ITGA11: variants seen among roughly 807,000 people sequenced by gnomAD.
ITGA11 encodes integrin alpha-11.
Under a neutral mutation model 141.9 loss-of-function variants are expected in ITGA11, and 97 were observed. That is an observed-to-expected ratio of 0.68 (90% CI 0.58 to 0.81). The LOEUF is 0.81. Ranked by LOEUF, ITGA11 falls within the 30% of genes least tolerant of loss-of-function variation. The pLI is 0.00. For synonymous variants in ITGA11, 658 were observed against 624.6 expected (o/e 1.05, Z -0.80); for missense variants, 1,387 against 1,559.2 (o/e 0.89, Z 1.86).
At chr15:68,393,335 A>T (rs1004298043) in intron 2 of ITGA11, among the ~76,000 whole-genome samples, 1 of 152,190 alleles carries the variant, frequency 6.6e-6, no homozygotes, top group Non-Finnish European at 1.5e-5. Context: ...AAGGTAGAGA[A>T]TTTTCCAAAT....
rs77167456 is a variant in ITGA11 at position 68,375,479 on chromosome 15, A to T, written c.165-6195T>A. Among the ~76,000 whole-genome samples the T allele has an allele frequency of 3.9e-5, 6 of 152,318 alleles. No individual in the cohort carries two copies. In the East Asian group the frequency reaches 1.2e-3, roughly 29 times the overall value. Reference sequence around the variant, plus strand: ...GAGCAGCAAGTCCAAATGCCTGCCCAGTGGGGACCCCGGGGCTGCCCTGGC... The same window carrying T: ...GAGCAGCAAGTCCAAATGCCTGCCCTGTGGGGACCCCGGGGCTGCCCTGGC... On this transcript the variant is annotated intron_variant, in intron 2 of 29. Transcript: ENST00000315757.
At chr15:68,349,186 G>A (rs906823740) in intron 9 of ITGA11, among the ~76,000 whole-genome samples, 2 of 152,228 alleles carry the variant, frequency 1.3e-5, no homozygotes, top group Non-Finnish European at 2.9e-5. Flanking sequence ...ATATTACAGG[G>A]CATGTATACT....
At chr15:68,314,755 T>C (rs1037019893) in intron 22 of ITGA11, among the ~76,000 whole-genome samples, 7 of 152,186 alleles carry the variant, frequency 4.6e-5, no homozygotes, top group African/African-American at 1.4e-4. Flanking sequence ...GTGTGAGAAT[T>C]CTACCAGGAT....
In ITGA11 at chr15:68,298,008, C is replaced by T. The variant is rs1323097477; in HGVS notation, c.*5051G>A. The T allele has an allele frequency of 2.0e-5, 3 of 152,210 alleles. No homozygotes were observed. The highest frequency in any genetic ancestry group is 4.4e-5 in the Non-Finnish European group (3 of 68,044). 9.4% of individuals were successfully genotyped at this position (152,210 alleles called of 1,614,324 possible). On this transcript the variant is annotated 3_prime_UTR_variant, in exon 30 of 30. Transcript: ENST00000315757. ...ACTAGGGAAGCTCACCTTCAGATCT[C>T]TGCTAGGTCACTCCCTGGCTGCAAT...
rs1226350051 is a variant in ITGA11, at chr15:68,328,523, G to A, written c.1902-261C>T. On this transcript the variant is annotated intron_variant, in intron 15 of 29. Coordinates refer to ENST00000315757, the MANE Select transcript of ITGA11 (RefSeq NM_001004439.2). This position sits in a 1 kb window ranked among gnomAD's most constrained non-coding sequence, Gnocchi z 4.8. ...CCCTCAGCACTTTCCCCGAGGGGCT[G>A]TGCTCGCTGTGGATCATGCTGACTT... Among the ~76,000 whole-genome samples, 5 of 152,176 alleles carry A rather than the reference G, an allele frequency of 3.3e-5. No homozygotes were observed. Among genetic ancestry groups the A allele is most frequent in the Non-Finnish European group, 7.3e-5 (5 of 68,038 alleles).
intron 1 of ITGA11, among the ~76,000 whole-genome samples, chr15:68,405,211 T>C (rs796452710): frequency 1.4e-5 from 2 of 145,064 alleles, no homozygotes; most frequent in South Asian, 4.6e-4. Flanking sequence ...AAAATTTCCA[T>C]CATTAGAGTC....
rs1894044714 is a variant in ITGA11 at position 68,328,247 on chromosome 15, A to C, written c.1917T>G (p.Val639=). Residue 639 remains valine, a synonymous_variant, in exon 16 of 30, where the codon GTT becomes GTG. Transcript: ENST00000315757. This position sits in a 1 kb window ranked among gnomAD's most constrained non-coding sequence, Gnocchi z 4.8. ...CAAAGTGGAGGCTGGCATTGATCTGAACCACTGGGCGGGACCTGGAGGAGA... is the reference window on the plus strand; with the variant it reads ...CAAAGTGGAGGCTGGCATTGATCTGCACCACTGGGCGGGACCTGGAGGAGA... The part of the protein sequence containing the change: ...NAVILWSRPV[V]QINASLHFEP... The C allele has an allele frequency of 1.2e-6, 2 of 1,613,578 alleles. No homozygotes were observed. The highest frequency in any genetic ancestry group is 1.7e-5 in the Admixed American group (1 of 59,988).
chr15:68,366,832 C>T (rs937311007), intron 3 of ITGA11, among the ~76,000 whole-genome samples: 1 of 152,178 alleles, frequency 6.6e-6, no homozygotes, highest in Non-Finnish European at 1.5e-5. Flanking sequence ...AAAACCCTGA[C>T]TTTATCCAGG....
chr15:68,415,279 C>T (rs183795455), intron 1 of ITGA11, among the ~76,000 whole-genome samples: 107 of 152,242 alleles, frequency 7.0e-4, no homozygotes, highest in Admixed American at 1.4e-3. Flanking sequence ...CAGGTCAGAA[C>T]GCAGCTCACT....
At chr15:68,334,655 C>A (rs753224973) in intron 12 of ITGA11, among the ~76,000 whole-genome samples, 18 of 143,552 alleles carry the variant, frequency 1.3e-4, no homozygotes, top group Non-Finnish European at 2.6e-4. Flanking sequence ...AGGGAGGGGG[C>A]GGGAGAAATT....
chr15:68,345,016 C>T (rs1182775414), intron 10 of ITGA11, among the ~76,000 whole-genome samples: 2 of 151,980 alleles, frequency 1.3e-5, no homozygotes, highest in East Asian at 2.0e-4. Context: ...GCATCTTCCC[C>T]TCAAGGCCCA....
rs1595852290 is a variant in ITGA11 at position 68,312,781 on chromosome 15, T to C, written c.2965A>G (p.Ile989Val). The C allele has an allele frequency of 1.9e-6, 3 of 1,612,802 alleles. No homozygotes were observed. Among genetic ancestry groups the C allele is most frequent in the Non-Finnish European group, 2.5e-6 (3 of 1,179,070 alleles). ...YDGIGPPFSC[I>V]FRIQNLGLFP... ...CTCCCCTCCAGCCTCACCCTGAAGA[T>C]GCAGCTGAAGGGAGGCCCGATACCA... Residue 989 changes from isoleucine to valine, a missense_variant, in exon 24 of 30, where the codon ATC becomes GTC. By Grantham distance (29) the Ile-to-Val change is conservative. Transcript: ENST00000315757.
At position 68,332,468 on chromosome 15, in the gene ITGA11, T is replaced by A. The variant is rs1894207396; in HGVS notation, c.1436A>T (p.Tyr479Phe). Reference protein sequence around the residue: ...QAMRGQQIGSYFGSEITSVDI... With the variant: ...QAMRGQQIGSFFGSEITSVDI... The stretch of plus-strand genomic sequence containing the variant: ...CACCGAGGTGATTTCACTCCCAAAG[T>A]AAGAGCCTATCTGCGGCACGTGATG... Residue 479 changes from tyrosine (Y) to phenylalanine (F), a missense_variant, in exon 13 of 30, where the codon TAC becomes TTC. By Grantham distance (22) the Tyr-to-Phe change is conservative. Coordinates refer to ENST00000315757, the MANE Select transcript of ITGA11 (RefSeq NM_001004439.2). 1.2e-6 allele frequency: 2 copies of A among 1,612,316 alleles called. No homozygotes were observed. Among genetic ancestry groups the A allele is most frequent in the African/African-American group, 1.3e-5 (1 of 75,032 alleles).
chr15:68,427,959 G>A (rs192768653), intron 1 of ITGA11, among the ~76,000 whole-genome samples: 78 of 152,278 alleles, frequency 5.1e-4, no homozygotes, highest in African/African-American at 1.8e-3. Context: ...GATCAGCAGA[G>A]ATACCATTTT....
chr15:68,405,641 C>T (rs537525939), intron 1 of ITGA11, among the ~76,000 whole-genome samples: 1 of 152,224 alleles, frequency 6.6e-6, no homozygotes, highest in African/African-American at 2.4e-5. Context: ...GCACAGGGTC[C>T]TGAAGAACAC....
At position 68,339,647 on chromosome 15, in the gene ITGA11, G is replaced by A. The variant is rs772302534; in HGVS notation, c.1132-3C>T. The stretch of plus-strand genomic sequence containing the variant: ...ACGGCTCCCAGCAGAACCCCATCCT[G>A]GCATTGGGGAGGGGACACACATCAG... On this transcript the variant is annotated splice_polypyrimidine_tract_variant and splice_region_variant and intron_variant, in intron 10 of 29. Coordinates refer to ENST00000315757, the MANE Select transcript of ITGA11 (RefSeq NM_001004439.2). 6.2e-6 allele frequency: 10 copies of A among 1,613,840 alleles called. No individual in the cohort carries two copies. In the East Asian group the frequency reaches 2.0e-4, roughly 32 times the overall value.
intron 11 of ITGA11, among the ~76,000 whole-genome samples, chr15:68,336,373 A>G (rs916854363): frequency 6.6e-6 from 1 of 152,186 alleles, no homozygotes; most frequent in African/African-American, 2.4e-5. Context: ...TCAGATATTT[A>G]CATGGGGTCT....
At chr15:68,384,264 T>TTA (rs1555452214) in intron 2 of ITGA11, among the ~76,000 whole-genome samples, 2 of 132,662 alleles carry the variant, frequency 1.5e-5, no homozygotes, top group Non-Finnish European at 3.1e-5. Context: ...GGTTTGGCAT[T>TTA]AAAAAAAAAA....
chr15:68,360,487 G>T (rs907685595), intron 5 of ITGA11, among the ~76,000 whole-genome samples: 1 of 152,008 alleles, frequency 6.6e-6, no homozygotes, highest in Non-Finnish European at 1.5e-5. Flanking sequence ...ACACTCACAC[G>T]CACGCATGCA....
Sources: allele counts gnomAD v4.1 joint callset (sites outside exome capture counted in the v4.1 genomes callset), GRCh38; gene constraint gnomAD v4.1.1; non-coding constraint Gnocchi (gnomAD v3.1); transcripts MANE v1.5; gene names NCBI Gene and HGNC (gene_info 2026-07-23, HGNC 2026-07-21).